The following CSMD2 variants were observed in gnomAD, a reference collection of about 807,000 sequenced individuals.
CSMD2 encodes the protein CUB and Sushi multiple domains 2, also known as CUB and sushi domain-containing protein 2.
CSMD2 carries 130 observed loss-of-function variants against 398.5 expected under a neutral mutation model. The ratio of observed to expected loss-of-function variants is 0.33; its 90% CI spans 0.28 to 0.38. The LOEUF (loss-of-function observed/expected upper bound fraction) is 0.38. CSMD2 is among the 10% of genes least tolerant of loss of function. The pLI is 1.00. For missense variants in CSMD2, 3,829 were observed against 4,764.9 expected (o/e 0.80, Z 5.78); for synonymous variants, 1,828 against 1,908.5 (o/e 0.96, Z 1.10).
chr1:33,655,851 G>A (rs996884341), intron 27 of CSMD2, among the ~76,000 whole-genome samples: 2 of 152,200 alleles, frequency 1.3e-5, no homozygotes, highest in African/African-American at 2.4e-5. Flanking sequence ...GTAGAAGAAC[G>A]GGTGATGAAA....
chr1:33,977,627 A>G (rs516237), intron 3 of CSMD2, among the ~76,000 whole-genome samples: 89,199 of 151,294 alleles, frequency 0.59, 28,038 homozygotes, highest in East Asian at 0.84. Flanking sequence ...CCCATCCTTT[A>G]CTGCAGCAGG....
intron 28 of CSMD2, among the ~76,000 whole-genome samples, chr1:33,651,175 G>A (rs1218161004): frequency 6.6e-6 from 1 of 152,136 alleles, no homozygotes. Context: ...TAGGAGATGA[G>A]GGCAGTAATT....
intron 5 of CSMD2, among the ~76,000 whole-genome samples, chr1:33,890,743 A>G (rs893215514): frequency 1.3e-5 from 2 of 151,832 alleles, no homozygotes; most frequent in Non-Finnish European, 1.5e-5. Context: ...ATAACGCTGC[A>G]TATCTACAAC....
At chr1:33,521,162 C>T (rs545808079) in intron 68 of CSMD2, among the ~76,000 whole-genome samples, 2 of 152,300 alleles carry the variant, frequency 1.3e-5, no homozygotes, top group African/African-American at 4.8e-5. Flanking sequence ...CCAGGGCTGG[C>T]TGGAGGGTGT....
chr1:34,134,310 T>G (rs1638487997), intron 1 of CSMD2, among the ~76,000 whole-genome samples: 1 of 152,170 alleles, frequency 6.6e-6, no homozygotes, highest in African/African-American at 2.4e-5. Flanking sequence ...TGGGAGTTTC[T>G]TTTCTCTCTG....
intron 15 of CSMD2, among the ~76,000 whole-genome samples, chr1:33,728,815 C>T (rs919622780): frequency 2.0e-5 from 3 of 152,188 alleles, no homozygotes; most frequent in African/African-American, 7.2e-5. Context: ...GATTATTACC[C>T]CATTTTCAGT....
At chr1:34,092,807 G>C (rs1273938355) in intron 1 of CSMD2, among the ~76,000 whole-genome samples, 1 of 152,226 alleles carries the variant, frequency 6.6e-6, no homozygotes, top group Non-Finnish European at 1.5e-5. Context: ...AGATCAAACT[G>C]CAAGGCAGCA....
chr1:34,052,044 C>T (rs531541979), intron 2 of CSMD2, among the ~76,000 whole-genome samples: 8 of 152,092 alleles, frequency 5.3e-5, no homozygotes, highest in East Asian at 1.9e-4. Context: ...GGTCTTCTCT[C>T]GTCTTCTGAT....
chr1:33,730,281 C>T (rs1484452558), intron 15 of CSMD2, among the ~76,000 whole-genome samples: 3 of 152,094 alleles, frequency 2.0e-5, no homozygotes, highest in African/African-American at 7.2e-5. Flanking sequence ...CTCATATTAA[C>T]AATCACTGAA....
chr1:33,671,051 T>C (rs1644480470), intron 25 of CSMD2, among the ~76,000 whole-genome samples: 1 of 151,942 alleles, frequency 6.6e-6, no homozygotes, highest in African/African-American at 2.4e-5. Flanking sequence ...ACAGAGGGGA[T>C]GTAGAGGCTG....
At chr1:33,517,899 G>A (rs1203671306) in intron 70 of CSMD2, among the ~76,000 whole-genome samples, 5 of 152,242 alleles carry the variant, frequency 3.3e-5, no homozygotes, top group South Asian at 4.1e-4. Flanking sequence ...AACCCCCTCC[G>A]CAGGAACTGT....
In CSMD2 at chr1:33,801,387, T is replaced by C. The variant is rs140101865; in HGVS notation, c.1447-8861A>G. On this transcript the variant is annotated intron_variant, in intron 10 of 70. Coordinates refer to ENST00000373381, the MANE Select transcript of CSMD2 (RefSeq NM_001281956.2). ...TCAAGGCAGGTCTGGGTTTCAGTCC[T>C]GTCTACATCTTTGTTTTTCCATGAG... is the stretch of plus-strand genomic sequence containing the variant. 3.3e-3 allele frequency among the ~76,000 whole-genome samples: 495 copies of C among 152,286 alleles called. 5 individuals carry two copies. Among genetic ancestry groups the C allele is most frequent in the African/African-American group, 0.01 (428 of 41,568 alleles).
In CSMD2 at chr1:33,624,914, G is replaced by C. The variant is rs1642008850; in HGVS notation, c.5500+137C>G. 3.1e-6 allele frequency: 3 copies of C among 961,654 alleles called. No homozygotes were observed. The highest frequency in any genetic ancestry group is 4.8e-6 in the Non-Finnish European group (3 of 631,226). 59.6% of individuals were successfully genotyped at this position (961,654 alleles called of 1,614,324 possible). A position where few individuals can be genotyped will look rare whatever the true frequency, so the allele number is the denominator to read the frequency against. On this transcript the variant is annotated intron_variant, in intron 34 of 70. Transcript: ENST00000373381. The surrounding 1 kb of genome is among the most constrained non-coding windows in gnomAD (Gnocchi z 4.7). ...AGCGCCGGGGACTGGGGTTGACTGG[G>C]ACACCCCACCTCAGCCATGCGGTGG... is the stretch of plus-strand genomic sequence containing the variant.
intron 13 of CSMD2, among the ~76,000 whole-genome samples, chr1:33,757,046 C>G (rs1324842319): frequency 6.6e-6 from 1 of 151,762 alleles, no homozygotes; most frequent in East Asian, 1.9e-4. Context: ...TCTCAGTAAA[C>G]TATCACAAGG....
At chr1:34,095,854 CT>C (rs1659233886) in intron 1 of CSMD2, among the ~76,000 whole-genome samples, 1 of 151,732 alleles carries the variant, frequency 6.6e-6, no homozygotes, top group South Asian at 2.1e-4. Flanking sequence ...GGTACCATTC[CT>C]TCTGAAACTA....
intron 36 of CSMD2, 52 bp from the exon 37 acceptor site, chr1:33,622,323 T>C: frequency 7.6e-7 from 1 of 1,317,592 alleles, no homozygotes; most frequent in Non-Finnish European, 1.1e-6. Context: ...CTCCAGGCCC[T>C]TGCATTCCTC....
chr1:33,567,531 C>T (rs1659163774), intron 53 of CSMD2, 62 bp downstream of exon 53: 3 of 1,537,204 alleles, frequency 2.0e-6, no homozygotes, highest in Admixed American at 3.4e-5. Flanking sequence ...AATTAAGAGA[C>T]AGGGAGAAAG....
chr1:33,664,186 C>G (rs973124775), intron 25 of CSMD2, among the ~76,000 whole-genome samples: 2 of 152,152 alleles, frequency 1.3e-5, no homozygotes, highest in Admixed American at 6.6e-5. Context: ...TTTCACACAG[C>G]CAACCTGTTC....
rs115790811 is a variant in CSMD2 at position 33,934,090 on chromosome 1, A to C, written c.712+1670T>G. 1.2e-3 allele frequency among the ~76,000 whole-genome samples: 176 copies of C among 152,320 alleles called. 1 individual carries two copies. Among genetic ancestry groups the C allele is most frequent in the African/African-American group, 4.1e-3 (171 of 41,570 alleles). On this transcript the variant is annotated intron_variant, in intron 4 of 70. Transcript: ENST00000373381. ...GGTGTCAATAACAAAAAGTGTGTGC[A>C]TGTGGCAGGAAGAAGGAGTTGCTTA...
Sources: gnomAD v4.1 joint callset for allele counts (sites outside exome capture counted in the v4.1 genomes callset) on GRCh38, gnomAD v4.1.1 for gene constraint, Gnocchi (gnomAD v3.1) non-coding constraint, MANE v1.5 for transcripts, NCBI Gene and HGNC (gene_info 2026-07-23, HGNC 2026-07-21) for gene names.